The following STAB2 variants were observed in gnomAD, a reference collection of about 807,000 sequenced individuals.
The protein encoded by STAB2 is stabilin 2.
A neutral mutation model predicts 338.1 loss-of-function variants in STAB2; 288 were observed. That is an observed-to-expected ratio of 0.85 (90% CI 0.77 to 0.94). The LOEUF is 0.94. Ranked by LOEUF, STAB2 falls within the 40% of genes least tolerant of loss-of-function variation. The probability of loss-of-function intolerance (pLI) is 0.00; values close to 1 mark genes in which losing one functional copy is unlikely to be tolerated. For missense variants in STAB2, 3,141 were observed against 3,210.1 expected (o/e 0.98, Z 0.52); for synonymous variants, 1,202 against 1,193.3 (o/e 1.01, Z -0.15).
chr12:103,605,963 G>C (rs1957022173), intron 3 of STAB2, among the ~76,000 whole-genome samples: 1 of 151,952 alleles, frequency 6.6e-6, no homozygotes, highest in Admixed American at 6.6e-5. Flanking sequence ...AATTAAGGTT[G>C]TTTAAACCAT....
intron 68 of STAB2, among the ~76,000 whole-genome samples, chr12:103,765,572 T>G (rs2139263967): frequency 6.6e-6 from 1 of 152,316 alleles, no homozygotes; most frequent in East Asian, 1.9e-4. Flanking sequence ...CTCTAGAGTG[T>G]GGCCTTTTTT....
intron 18 of STAB2, 144 bp downstream of exon 18, chr12:103,663,142 A>G (rs1874768573): frequency 9.7e-7 from 1 of 1,031,506 alleles, no homozygotes; most frequent in Non-Finnish European, 1.4e-6. Flanking sequence ...CTTCATGAAG[A>G]TGCAGGTGGA....
intron 11 of STAB2, among the ~76,000 whole-genome samples, chr12:103,651,588 AG>A (rs11308296): frequency 0.56 from 84,963 of 151,840 alleles, 24,510 homozygotes; most frequent in Non-Finnish European, 0.61. Flanking sequence ...CTGAGATTAT[AG>A]GCGTGAGCCA....
chr12:103,766,522 C>T lies in STAB2; in HGVS notation c.*186C>T, dbSNP rs1022649701. ...GATGTGTTGCTGTGCCCACCCAGTA[C>T]AGCTTCCTCCTCTGACCCTTTGGCT... On this transcript the variant is annotated 3_prime_UTR_variant, in exon 69 of 69. Coordinates refer to ENST00000388887, the MANE Select transcript of STAB2 (RefSeq NM_017564.10). 2 of 621,898 alleles carry T rather than the reference C, an allele frequency of 3.2e-6. No individual in the cohort carries two copies. The highest frequency in any genetic ancestry group is 2.0e-5 in the South Asian group (1 of 50,600). The allele number at this position is 621,898 out of a possible 1,614,324, so 38.5% of individuals were successfully genotyped here. A position where few individuals can be genotyped will look rare whatever the true frequency, so the allele number is the denominator to read the frequency against.
In STAB2 at chr12:103,732,919, A is replaced by G. The variant is rs149643220; in HGVS notation, c.5284-87A>G. The G allele has an allele frequency of 2.3e-5, 34 of 1,507,342 alleles. No homozygotes were observed. In the Middle Eastern group the frequency reaches 6.9e-4, roughly 31 times the overall value. 93.4% of individuals were successfully genotyped at this position (1,507,342 alleles called of 1,614,324 possible). A position where few individuals can be genotyped will look rare whatever the true frequency, so the allele number is the denominator to read the frequency against. On this transcript the variant is annotated intron_variant, in intron 50 of 68. Coordinates refer to ENST00000388887, the MANE Select transcript of STAB2 (RefSeq NM_017564.10). The stretch of plus-strand genomic sequence containing the variant: ...GTCCCAGTAAGCCACGGGCTTGAGC[A>G]TGGAGGAGAATCCTCAGAGACAGAA...
chr12:103,743,539 G>A (rs1566067613), intron 56 of STAB2, among the ~76,000 whole-genome samples: 1 of 152,162 alleles, frequency 6.6e-6, no homozygotes, highest in Non-Finnish European at 1.5e-5. Context: ...GACGCAAGGG[G>A]ACCAAGCATG....
At chr12:103,643,920 CCTCT>C (rs1873115076) in intron 9 of STAB2, among the ~76,000 whole-genome samples, 1 of 114,978 alleles carries the variant, frequency 8.7e-6, no homozygotes, top group African/African-American at 3.4e-5. Context: ...GTGAGGAGCC[CCTCT>C]GCCCGGCCAG....
At chr12:103,626,803 G>A (rs1378482784) in intron 5 of STAB2, among the ~76,000 whole-genome samples, 1 of 152,170 alleles carries the variant, frequency 6.6e-6, no homozygotes, top group Non-Finnish European at 1.5e-5. Flanking sequence ...GTAATCTTCT[G>A]TGGGGGCACT....
chr12:103,707,919 A>T (rs1046843022), intron 38 of STAB2, among the ~76,000 whole-genome samples: 5 of 152,184 alleles, frequency 3.3e-5, no homozygotes, highest in African/African-American at 9.7e-5. Flanking sequence ...GGATTTGTAG[A>T]TGACCCTGAT....
At chr12:103,693,378 A>C (rs1878121695) in intron 31 of STAB2, among the ~76,000 whole-genome samples, 1 of 152,124 alleles carries the variant, frequency 6.6e-6, no homozygotes, top group Non-Finnish European at 1.5e-5. Context: ...TCAAGACTGC[A>C]ATGAGCTGTG....
chr12:103,757,030 T>TATAA (rs1368294869), intron 63 of STAB2, among the ~76,000 whole-genome samples: 3 of 143,062 alleles, frequency 2.1e-5, no homozygotes, highest in East Asian at 4.1e-4. Flanking sequence ...TATATATATA[T>TATAA]AAAATATATA....
At chr12:103,639,704 C>CAAAAAAA (rs11449305) in intron 8 of STAB2, among the ~76,000 whole-genome samples, 2 of 92,284 alleles carry the variant, frequency 2.2e-5, no homozygotes, top group African/African-American at 4.5e-5. Context: ...GACCCTGTCT[C>CAAAAAAA]AAAAAAAAAA....
At chr12:103,748,609 CACACACACACA>C (rs1566073249) in intron 58 of STAB2, among the ~76,000 whole-genome samples, 1 of 18,606 alleles carries the variant, frequency 5.4e-5, no homozygotes, top group African/African-American at 1.9e-4. Context: ...CACACATACA[CACACACACACA>C]CACACACACA....
chr12:103,604,061 A>G (rs761878438), intron 3 of STAB2, among the ~76,000 whole-genome samples: 50 of 152,162 alleles, frequency 3.3e-4, no homozygotes, highest in Non-Finnish European at 5.6e-4. Context: ...TATTGACCTC[A>G]TATCCTGAGA....
intron 21 of STAB2, among the ~76,000 whole-genome samples, 199 bp from the exon 22 acceptor site, chr12:103,670,497 T>G (rs1189223302): frequency 6.6e-6 from 1 of 152,218 alleles, no homozygotes; most frequent in African/African-American, 2.4e-5. Context: ...CTTAAAGTTC[T>G]AAATCCTGGC....
At chr12:103,751,479 G>C (rs1189653517) in intron 60 of STAB2, among the ~76,000 whole-genome samples, 1 of 152,196 alleles carries the variant, frequency 6.6e-6, no homozygotes, top group Non-Finnish European at 1.5e-5. Flanking sequence ...AAATGCAGTG[G>C]TGGTGCTGGG....
At chr12:103,728,760 A>T in intron 47 of STAB2, 89 bp from the exon 48 acceptor site, 1 of 1,543,256 alleles carries the variant, frequency 6.5e-7, no homozygotes, top group Non-Finnish European at 8.9e-7. Context: ...AGAGGTGTGG[A>T]AGAGAGAATG....
In STAB2 at chr12:103,622,097, C is replaced by G; in HGVS notation, c.473C>G (p.Pro158Arg). 1 of 1,614,168 alleles carries G rather than the reference C, an allele frequency of 6.2e-7. No individual in the cohort carries two copies. Residue 158 changes from proline to arginine, a missense_variant, in exon 5 of 69, where the codon CCC becomes CGC. By Grantham distance (103) the Pro-to-Arg change is moderately radical. Transcript: ENST00000388887. The stretch of plus-strand genomic sequence containing the variant: ...TGTGCTGACGACAACTTATTTGGAC[C>G]CAGCTGTTCATCAGGTATGTCTGAT... ...ETCADDNLFGPSCSSVCNCVH... is the reference protein window; with the variant it reads ...ETCADDNLFGRSCSSVCNCVH...
At chr12:103,670,382 G>A (rs914071113) in intron 21 of STAB2, among the ~76,000 whole-genome samples, 3 of 152,150 alleles carry the variant, frequency 2.0e-5, no homozygotes, top group Non-Finnish European at 2.9e-5. Flanking sequence ...GACTGTAAAG[G>A]GAGGCTAGTC....
Sources: allele counts gnomAD v4.1 joint callset (sites outside exome capture counted in the v4.1 genomes callset), GRCh38; gene constraint gnomAD v4.1.1; transcripts MANE v1.5; gene names NCBI Gene and HGNC (gene_info 2026-07-23, HGNC 2026-07-21).